LPAR4: variants seen among roughly 807,000 people sequenced by gnomAD.
LPAR4 encodes the protein G-protein coupled receptor 23.
Under a neutral mutation model 9.2 loss-of-function variants are expected in LPAR4, and 14 were observed. The ratio of observed to expected loss-of-function variants is 1.51; its 90% CI spans 1.00 to 2.37. LPAR4 has a LOEUF of 2.37. LPAR4 is among the 30% of genes most tolerant of loss of function. The pLI, the probability that LPAR4 is intolerant of heterozygous loss-of-function variation, is 0.00. For missense variants in LPAR4, 251 were observed against 272.1 expected (o/e 0.92, Z 0.55); for synonymous variants, 131 against 97.9 (o/e 1.34, Z -1.99).
chrX:78,757,978 T>G lies in LPAR4; in HGVS notation c.*1996T>G, dbSNP rs1161530409. On this transcript the variant is annotated 3_prime_UTR_variant, in exon 5 of 5. Transcript: ENST00000614823. ...AAACTCATTAACTTGTTTTTCTTTCTGATGATATGCAGACTTAAAAATACT... is the reference window on the plus strand; with the variant it reads ...AAACTCATTAACTTGTTTTTCTTTCGGATGATATGCAGACTTAAAAATACT... 1.8e-5 allele frequency among the ~76,000 whole-genome samples: 2 copies of G among 111,996 alleles called. No individual in the cohort carries two copies. The highest frequency in any genetic ancestry group is 6.5e-5 in the African/African-American group (2 of 30,928).
chrX:78,750,382 G>A lies in LPAR4; in HGVS notation c.-245+159G>A, dbSNP rs34658552. 8.6e-3 allele frequency among the ~76,000 whole-genome samples: 960 copies of A among 111,855 alleles called. 7 individuals carry two copies. Among genetic ancestry groups the A allele is most frequent in the Non-Finnish European group, 0.013 (687 of 53,064 alleles). ...AGGATGAGATGTAACAATAGTGTAC[G>A]TTTGGAGCTAGGGGATGATTCTACT... On this transcript the variant is annotated intron_variant, in intron 2 of 4. Transcript: ENST00000614823.
chrX:78,748,474 T>C (rs755780174), intron 1 of LPAR4, among the ~76,000 whole-genome samples: 3 of 112,265 alleles, frequency 2.7e-5, no homozygotes, highest in Non-Finnish European at 5.6e-5. Context: ...ATTTGCTATA[T>C]TGAATAATTC....
In LPAR4 at chrX:78,748,215, G is replaced by A. The variant is rs190427777; in HGVS notation, c.-295+181G>A. On this transcript the variant is annotated intron_variant, in intron 1 of 4. Coordinates refer to ENST00000614823, the MANE Select transcript of LPAR4 (RefSeq NM_001278000.3). ...AAAAACGAGAATTTCCATTGTTTTGGCAATAATATTGTTTCCGTGGAAGAC... is the reference window on the plus strand; with the variant it reads ...AAAAACGAGAATTTCCATTGTTTTGACAATAATATTGTTTCCGTGGAAGAC... Among the ~76,000 whole-genome samples, 818 of 111,904 alleles carry A rather than the reference G, an allele frequency of 7.3e-3. 11 individuals are homozygous for A. The highest frequency in any genetic ancestry group is 0.025 in the African/African-American group (767 of 30,826).
chrX:78,754,145 C>T (rs1458508698), intron 4 of LPAR4, among the ~76,000 whole-genome samples: 2 of 111,328 alleles, frequency 1.8e-5, no homozygotes, highest in African/African-American at 6.5e-5. Flanking sequence ...AAAACATCGC[C>T]TCGTACTTAC....
intron 1 of LPAR4, among the ~76,000 whole-genome samples, chrX:78,749,549 A>G (rs1417495648): frequency 9.0e-6 from 1 of 111,257 alleles, no homozygotes; most frequent in Non-Finnish European, 1.9e-5. Context: ...GGAAGGGTTG[A>G]GGGTTGAGAC....
At position 78,756,090 on chromosome X, in the gene LPAR4, G is replaced by C. The variant is rs941424710; in HGVS notation, c.*108G>C. On this transcript the variant is annotated 3_prime_UTR_variant, in exon 5 of 5. Transcript: ENST00000614823. ...TACTGAGAATAATGCACCAAATCCA[G>C]TCAGATACATTTGTTTGAAGGTATA... The C allele has an allele frequency of 1.6e-6, 1 of 628,958 alleles. No individual in the cohort carries two copies. The highest frequency in any genetic ancestry group is 2.5e-6 in the Non-Finnish European group (1 of 404,838). 51.8% of individuals were successfully genotyped at this position (628,958 alleles called of 1,213,427 possible). A position where few individuals can be genotyped will look rare whatever the true frequency, so the allele number is the denominator to read the frequency against.
chrX:78,752,590 C>A (rs191573790), intron 4 of LPAR4, among the ~76,000 whole-genome samples: 196 of 111,755 alleles, frequency 1.8e-3, no homozygotes, highest in African/African-American at 5.7e-3. Context: ...CAGAGTAGAA[C>A]AAGGAAATGC....
intron 4 of LPAR4, among the ~76,000 whole-genome samples, chrX:78,751,595 T>G (rs1399821472): frequency 9.0e-6 from 1 of 111,278 alleles, no homozygotes; most frequent in East Asian, 2.8e-4. Context: ...CTATTATCAG[T>G]TTCAGTGTCT....
At position 78,755,564 on chromosome X, in the gene LPAR4, G is replaced by A. The variant is rs1925257085; in HGVS notation, c.695G>A (p.Arg232His). The change falls in exon 5 of 5, where the codon CGC becomes CAC. Residue 232 changes from arginine to histidine, a missense_variant. By Grantham distance (29) the Arg-to-His change is conservative. Coordinates refer to ENST00000614823, the MANE Select transcript of LPAR4 (RefSeq NM_001278000.3). ...SCSSVVLRTL[R>H]KPATLSQIGT... Reference sequence around the variant, plus strand: ...TCTTCTGTGGTGCTGAGAACTCTTCGCAAGCCTGCTACTCTGTCTCAAATT... The same window carrying A: ...TCTTCTGTGGTGCTGAGAACTCTTCACAAGCCTGCTACTCTGTCTCAAATT... The A allele has an allele frequency of 4.1e-6, 5 of 1,207,675 alleles. No homozygotes were observed. The highest frequency in any genetic ancestry group is 3.5e-5 in the African/African-American group (2 of 56,930).
rs1461089478 is a variant in LPAR4 at position 78,757,968 on chromosome X, T to C, written c.*1986T>C. Among the ~76,000 whole-genome samples the C allele has an allele frequency of 8.9e-6, 1 of 111,900 alleles. No homozygotes were observed. The highest frequency in any genetic ancestry group is 1.9e-5 in the Non-Finnish European group (1 of 53,021). On this transcript the variant is annotated 3_prime_UTR_variant, in exon 5 of 5. Transcript: ENST00000614823. ...CAAATTTTTAAAACTCATTAACTTG[T>C]TTTTCTTTCTGATGATATGCAGACT... is the stretch of plus-strand genomic sequence containing the variant.
chrX:78,750,576 A>C (rs983916378), intron 2 of LPAR4, among the ~76,000 whole-genome samples, 154 bp from the exon 3 acceptor site: 4 of 111,175 alleles, frequency 3.6e-5, no homozygotes, highest in Non-Finnish European at 7.6e-5. Context: ...GTAAAGGTGC[A>C]GTGATTGTCA....
intron 3 of LPAR4, 31 bp from the exon 4 acceptor site, chrX:78,751,179 G>A (rs1925047154): frequency 9.0e-6 from 1 of 110,734 alleles, no homozygotes; most frequent in African/African-American, 3.3e-5. Context: ...TCTCTTTATG[G>A]CACACTATTA....
rs1377652997 is a variant in LPAR4, at chrX:78,754,886, T to C, written c.17T>C (p.Phe6Ser). 2 of 1,194,168 alleles carry C rather than the reference T, an allele frequency of 1.7e-6. No homozygotes were observed. The highest frequency in any genetic ancestry group is 3.5e-5 in the African/African-American group (2 of 56,687). The change falls in exon 5 of 5, where the codon TTC becomes TCC. Residue 6 changes from phenylalanine (F) to serine (S), a missense_variant. By Grantham distance (155) the Phe-to-Ser change is radical. Transcript: ENST00000614823. ...AAAAAGTCCATGGGTGACAGAAGAT[T>C]CATTGACTTCCAATTCCAAGATTCA... MGDRR[F>S]IDFQFQDSNS...
chrX:78,749,215 T>C (rs144160957), intron 1 of LPAR4: 201 of 111,964 alleles, frequency 1.8e-3, no homozygotes, highest in African/African-American at 5.8e-3. Context: ...CAGTGAGAAT[T>C]GTTGCCCTTG....
rs913502101 is a variant in LPAR4, at chrX:78,757,790, G to A, written c.*1808G>A. Among the ~76,000 whole-genome samples, 3 of 111,362 alleles carry A rather than the reference G, an allele frequency of 2.7e-5. No individual in the cohort carries two copies. Among genetic ancestry groups the A allele is most frequent in the African/African-American group, 9.8e-5 (3 of 30,736 alleles). On this transcript the variant is annotated 3_prime_UTR_variant, in exon 5 of 5. Transcript: ENST00000614823. Reference sequence around the variant, plus strand: ...GCATTAATCAATTTTTAAAATATTTGGATAACATGGCAATTTAAAAATGCT... The same window carrying A: ...GCATTAATCAATTTTTAAAATATTTAGATAACATGGCAATTTAAAAATGCT...
Position 78,755,290 on chromosome X carries a change from G to A in LPAR4, c.421G>A (p.Val141Ile), listed in dbSNP as rs777708681. 7.4e-6 allele frequency: 9 copies of A among 1,209,017 alleles called. No individual in the cohort carries two copies. The South Asian group carries it at 1.6e-4, about 21-fold the overall frequency. ...CISVDRFLAI[V>I]YPFRSRTIRT... ...TAGTGTGGATCGTTTCCTGGCCATTGTCTATCCTTTTCGATCTCGTACTAT... is the reference window on the plus strand; with the variant it reads ...TAGTGTGGATCGTTTCCTGGCCATTATCTATCCTTTTCGATCTCGTACTAT... The change falls in exon 5 of 5, where the codon GTC becomes ATC. Residue 141 changes from valine to isoleucine, a missense_variant. Val to Ile is a conservative substitution (Grantham distance 29, BLOSUM62 3). Coordinates refer to ENST00000614823, the MANE Select transcript of LPAR4 (RefSeq NM_001278000.3).
intron 2 of LPAR4, among the ~76,000 whole-genome samples, chrX:78,750,526 G>A (rs1569555829): frequency 9.0e-6 from 1 of 111,494 alleles, no homozygotes; most frequent in Non-Finnish European, 1.9e-5. Flanking sequence ...AATTGGAGAT[G>A]TTACAGACAT....
rs1361563775 is a variant in LPAR4, at chrX:78,758,537, AG to A, written c.*2556del. Among the ~76,000 whole-genome samples the A allele has an allele frequency of 9.0e-6, 1 of 111,362 alleles. No homozygotes were observed. The highest frequency in any genetic ancestry group is 3.3e-5 in the African/African-American group (1 of 30,766). On this transcript the variant is annotated 3_prime_UTR_variant, in exon 5 of 5. Coordinates refer to ENST00000614823, the MANE Select transcript of LPAR4 (RefSeq NM_001278000.3). The stretch of plus-strand genomic sequence containing the variant: ...TCACTTCTCAAATTTCCATTTTTAT[AG>A]TTAATATAAATTGCTAATAATAAAA...
At position 78,754,831 on chromosome X, in the gene LPAR4, G is replaced by A. The variant is rs1166858134; in HGVS notation, c.-39G>A. On this transcript the variant is annotated 5_prime_UTR_variant, in exon 5 of 5. Transcript: ENST00000614823. ...TACCGGTCCATAGTGTCAGAGTGGT[G>A]AACCCCTGCAGCCAGCAGGCCTCCT... is the stretch of plus-strand genomic sequence containing the variant. The A allele has an allele frequency of 8.8e-7, 1 of 1,136,776 alleles. No individual in the cohort carries two copies. Among genetic ancestry groups the A allele is most frequent in the Admixed American group, 2.6e-5 (1 of 38,050 alleles). 93.7% of individuals were successfully genotyped at this position (1,136,776 alleles called of 1,213,427 possible).
Sources: allele counts gnomAD v4.1 joint callset (sites outside exome capture counted in the v4.1 genomes callset), GRCh38; gene constraint gnomAD v4.1.1; transcripts MANE v1.5; gene names NCBI Gene and HGNC (gene_info 2026-07-23, HGNC 2026-07-21).